TLR2: variants seen among roughly 807,000 people sequenced by gnomAD.
The protein encoded by TLR2 is toll like receptor 2, also known as toll-like receptor 2.
Under a neutral mutation model 9.1 loss-of-function variants are expected in TLR2, and 7 were observed. The ratio of observed to expected loss-of-function variants is 0.77; its 90% confidence interval spans 0.44 to 1.44. The LOEUF is 1.44. Among genes scored for constraint, TLR2 ranks in the 40% most tolerant of loss-of-function variants. TLR2 has a pLI of 0.01. For synonymous variants in TLR2, 317 were observed against 344.6 expected, an observed-to-expected ratio of 0.92 and a Z score of 0.89; for missense variants, 812 against 904.6, an observed-to-expected ratio of 0.90 and a Z score of 1.31.
At chr4:153,701,331 C>A (rs1033387149) in intron 2 of TLR2, among the ~76,000 whole-genome samples, 1 of 152,116 alleles carries the variant, frequency 6.6e-6, no homozygotes, top group Non-Finnish European at 1.5e-5. Context: ...TGCCCTCTTG[C>A]GTTCTCCCAT....
At position 153,704,431 on chromosome 4, in the gene TLR2, G is replaced by T. The variant is rs1737171006; in HGVS notation, c.1524G>T (p.Arg508Ser). 1.2e-6 allele frequency: 2 copies of T among 1,614,000 alleles called. No individual in the cohort carries two copies. Among genetic ancestry groups the T allele is most frequent in the Admixed American group, 3.3e-5 (2 of 59,994 alleles). Reference sequence around the variant, plus strand: ...TGTTACTAGTATTGAAAATCAGTAGGAATGCAATAACTACGTTTTCTAAGG... The same window carrying T: ...TGTTACTAGTATTGAAAATCAGTAGTAATGCAATAACTACGTTTTCTAAGG... Reference protein sequence around the residue: ...LPMLLVLKISRNAITTFSKEQ... With the variant: ...LPMLLVLKISSNAITTFSKEQ... The change falls in exon 3 of 3, where the codon AGG (arginine) becomes AGT (serine). Residue 508 changes from arginine (R) to serine (S), a missense_variant. Arg to Ser is a moderately radical substitution (Grantham distance 110, BLOSUM62 -1). Coordinates refer to ENST00000642700, the MANE Select transcript of TLR2 (RefSeq NM_001318789.2).
In TLR2 at chr4:153,706,073, A is replaced by C. The variant is rs1737314258; in HGVS notation, c.*811A>C. ...AAAAAGTGCTGTGTATTTCCTATTA[A>C]ACTTTACAGGATGAGAAATACTAGA... is the stretch of plus-strand genomic sequence containing the variant. On this transcript the variant is annotated 3_prime_UTR_variant, in exon 3 of 3. Coordinates refer to ENST00000642700, the MANE Select transcript of TLR2 (RefSeq NM_001318789.2). Among the ~76,000 whole-genome samples the C allele has an allele frequency of 6.6e-6, 1 of 152,190 alleles. No individual in the cohort carries two copies. The highest frequency in any genetic ancestry group is 1.5e-5 in the Non-Finnish European group (1 of 68,028).
chr4:153,700,132 C>A (rs917859618), intron 2 of TLR2, among the ~76,000 whole-genome samples: 1 of 152,014 alleles, frequency 6.6e-6, no homozygotes, highest in African/African-American at 2.4e-5. Flanking sequence ...TTTTAAATAA[C>A]CTGAAATCCT....
At chr4:153,686,778 T>C (rs931212085) in intron 1 of TLR2, among the ~76,000 whole-genome samples, 2 of 151,882 alleles carry the variant, frequency 1.3e-5, no homozygotes, top group African/African-American at 4.8e-5. Context: ...TAGTGGGAGA[T>C]TTTATCATAC....
At chr4:153,699,048 G>C (rs1736701492) in intron 2 of TLR2, among the ~76,000 whole-genome samples, 1 of 152,186 alleles carries the variant, frequency 6.6e-6, no homozygotes. Context: ...ACAGTTTGTA[G>C]ACGAATTCAT....
Position 153,704,101 on chromosome 4 carries a change from T to C in TLR2, c.1194T>C (p.His398=). 6.2e-7 allele frequency: 1 copy of C among 1,614,084 alleles called. No homozygotes were observed. Among genetic ancestry groups the C allele is most frequent in the Non-Finnish European group, 8.5e-7 (1 of 1,179,994 alleles). Residue 398 remains histidine, a synonymous_variant, in exon 3 of 3, where the codon CAT becomes CAC. Transcript: ENST00000642700. ...SLQTLILRQN[H]LASLEKTGET... ...AAACTTTAATTTTAAGGCAAAATCA[T>C]TTGGCATCATTGGAAAAAACCGGAG...
rs774961543 is a variant in TLR2, at chr4:153,704,005, T to G, written c.1098T>G (p.Asp366Glu). The change falls in exon 3 of 3, where the codon GAT becomes GAG. Residue 366 changes from aspartate (D) to glutamate (E), a missense_variant. Coordinates refer to ENST00000642700, the MANE Select transcript of TLR2 (RefSeq NM_001318789.2). Reference protein sequence around the residue: ...SQHLKSLEYLDLSENLMVEEY... With the variant: ...SQHLKSLEYLELSENLMVEEY... ...ATTTAAAATCATTAGAATACTTGGA[T>G]CTCAGTGAAAATTTGATGGTTGAAG... The G allele has an allele frequency of 3.7e-6, 6 of 1,614,028 alleles. No individual in the cohort carries two copies. Among genetic ancestry groups the G allele is most frequent in the Non-Finnish European group, 5.1e-6 (6 of 1,180,008 alleles).
chr4:153,687,300 C>T (rs949049641), intron 1 of TLR2, among the ~76,000 whole-genome samples: 7 of 151,978 alleles, frequency 4.6e-5, no homozygotes, highest in East Asian at 1.9e-4. Flanking sequence ...CCAGAGAAAT[C>T]AGAACAGGGG....
chr4:153,684,748 G>A (rs1245803593), intron 1 of TLR2, among the ~76,000 whole-genome samples: 2 of 151,614 alleles, frequency 1.3e-5, no homozygotes, highest in East Asian at 3.9e-4. Flanking sequence ...CCCCGGGGGG[G>A]TTGCCGCGGA....
chr4:153,684,587 C>T (rs1292421194), intron 1 of TLR2, among the ~76,000 whole-genome samples: 1 of 152,226 alleles, frequency 6.6e-6, no homozygotes, highest in East Asian at 1.9e-4. Context: ...GGAATGTGGA[C>T]ACCAGCGAAG....
At chr4:153,707,890 G>A (rs942803409), downstream of TLR2, among the ~76,000 whole-genome samples, 3 of 152,132 alleles carry the variant, frequency 2.0e-5, no homozygotes, top group African/African-American at 7.2e-5. Context: ...TCACATTAAA[G>A]GTGGATCTTC....
In TLR2 at chr4:153,703,839, C is replaced by T. The variant is rs760398215; in HGVS notation, c.932C>T (p.Thr311Met). The change falls in exon 3 of 3, where the codon ACG (threonine) becomes ATG (methionine). Residue 311 changes from threonine to methionine, a missense_variant. Coordinates refer to ENST00000642700, the MANE Select transcript of TLR2 (RefSeq NM_001318789.2). ...GTTATAGATCCAGGTAAAGTGGAAA[C>T]GTTAACAATCCGGAGGCTGCATATT... Reference protein sequence around the residue: ...DRVIDPGKVETLTIRRLHIPR... With the variant: ...DRVIDPGKVEMLTIRRLHIPR... 16 of 1,613,838 alleles carry T rather than the reference C, an allele frequency of 9.9e-6. No individual in the cohort carries two copies. Among genetic ancestry groups the T allele is most frequent in the South Asian group, 3.3e-5 (3 of 91,046 alleles).
chr4:153,704,645 C>T lies in TLR2; in HGVS notation c.1738C>T (p.Leu580Phe). 6.2e-7 allele frequency: 1 copy of T among 1,613,508 alleles called. No individual in the cohort carries two copies. The highest frequency in any genetic ancestry group is 8.5e-7 in the Non-Finnish European group (1 of 1,179,994). Residue 580 changes from leucine to phenylalanine, a missense_variant, in exon 3 of 3, where the codon CTC becomes TTC. Leu to Phe is a conservative substitution (Grantham distance 22). Coordinates refer to ENST00000642700, the MANE Select transcript of TLR2 (RefSeq NM_001318789.2). ...TGGCCAGCAGGTTCAGGATGTCCGC[C>T]TCTCGGTGTCGGAATGTCACAGGAC... Reference protein sequence around the residue: ...VRGQQVQDVRLSVSECHRTAL... With the variant: ...VRGQQVQDVRFSVSECHRTAL...
intron 2 of TLR2, among the ~76,000 whole-genome samples, chr4:153,696,588 A>C (rs1012784151): frequency 6.6e-6 from 1 of 152,236 alleles, no homozygotes; most frequent in South Asian, 2.1e-4. Flanking sequence ...TTACAGAGAG[A>C]CTAAAGATAG....
At chr4:153,708,575 C>T (rs1737404535), downstream of TLR2, among the ~76,000 whole-genome samples, 1 of 152,114 alleles carries the variant, frequency 6.6e-6, no homozygotes, top group Non-Finnish European at 1.5e-5. Flanking sequence ...ACAGCTAAGG[C>T]TAGTCTTCAG....
In TLR2 at chr4:153,705,064, C is replaced by T. The variant is rs780846225; in HGVS notation, c.2157C>T (p.Phe719=). Residue 719 remains phenylalanine (F), a synonymous_variant, in exon 3 of 3, where the codon TTC becomes TTT. Transcript: ENST00000642700. ...KSEWCKYELD[F]SHFRLFDENN... is the part of the protein sequence containing the mutation. Reference sequence around the variant, plus strand: ...AGTGGTGCAAGTATGAACTGGACTTCTCCCATTTCCGTCTTTTTGATGAGA... The same window carrying T: ...AGTGGTGCAAGTATGAACTGGACTTTTCCCATTTCCGTCTTTTTGATGAGA... 7.4e-6 allele frequency: 12 copies of T among 1,614,100 alleles called. No individual in the cohort carries two copies. The highest frequency in any genetic ancestry group is 1.0e-5 in the Non-Finnish European group (12 of 1,180,000).
downstream of TLR2, among the ~76,000 whole-genome samples, chr4:153,709,920 C>T (rs965655138): frequency 6.6e-6 from 1 of 152,160 alleles, no homozygotes; most frequent in African/African-American, 2.4e-5. Context: ...CACATGGTAA[C>T]AAGCACATGG....
chr4:153,710,371 A>G (rs1021563799), downstream of TLR2: 33 of 1,553,214 alleles, frequency 2.1e-5, no homozygotes, highest in Admixed American at 4.5e-4. Context: ...CTGCTGTCCT[A>G]TTCCAGCCCT....
chr4:153,693,987 G>C (rs58425222), intron 2 of TLR2, among the ~76,000 whole-genome samples: 12,799 of 152,236 alleles, frequency 0.084, 1,493 homozygotes, highest in African/African-American at 0.26. Flanking sequence ...CACACACACA[G>C]AAACATAGAG....
Sources: allele counts gnomAD v4.1 joint callset (sites outside exome capture counted in the v4.1 genomes callset), GRCh38; gene constraint gnomAD v4.1.1; transcripts MANE v1.5; gene names NCBI Gene and HGNC (gene_info 2026-07-23, HGNC 2026-07-21).